BBS9: variants seen among roughly 807,000 people sequenced by gnomAD.
BBS9 encodes the protein Bardet-Biedl syndrome 9, also known as protein PTHB1.
BBS9 carries 89 observed loss-of-function variants against 117.7 expected under a neutral mutation model. The observed-to-expected ratio is 0.76, with a 90% CI of 0.64 to 0.90. The LOEUF is 0.90. BBS9 is among the 40% of genes least tolerant of loss of function. The pLI, the probability that BBS9 is intolerant of heterozygous loss-of-function variation, is 0.00. For synonymous variants in BBS9, 379 were observed against 370.9 expected (o/e 1.02, Z -0.25); for missense variants, 982 against 1,042.2 (o/e 0.94, Z 0.80).
chr7:33,350,846 C>T (rs1263276976), intron 13 of BBS9, among the ~76,000 whole-genome samples: 1 of 152,152 alleles, frequency 6.6e-6, no homozygotes, highest in African/African-American at 2.4e-5. Flanking sequence ...CAGGTGTCAC[C>T]ACGCCCAGCT....
rs60822654 is a variant in BBS9 at position 33,542,091 on chromosome 7, C to CT, written c.2521+7926dup. Among the ~76,000 whole-genome samples, 354 of 148,230 alleles carry CT rather than the reference C, an allele frequency of 2.4e-3. 2 individuals carry two copies. The highest frequency in any genetic ancestry group is 1.7e-3 in the African/African-American group (69 of 40,510). On this transcript the variant is annotated intron_variant, in intron 21 of 22. Coordinates refer to ENST00000242067, the MANE Select transcript of BBS9 (RefSeq NM_198428.3). ...TGGTATTTGGTAACATGAGTAAGTT[C>CT]TTTTTTTTTTTAAGACAGAGTCTCA...
At chr7:33,266,126 T>C (rs1282677290) in intron 7 of BBS9, among the ~76,000 whole-genome samples, 5 of 152,234 alleles carry the variant, frequency 3.3e-5, no homozygotes, top group Non-Finnish European at 5.9e-5. Flanking sequence ...CCTTATCATT[T>C]GCAGTTTTTA....
intron 19 of BBS9, among the ~76,000 whole-genome samples, chr7:33,458,938 C>T (rs555785193): frequency 9.3e-4 from 141 of 152,196 alleles, no homozygotes; most frequent in African/African-American, 3.2e-3. Context: ...AATTAAATTA[C>T]TTCTCAACCA....
chr7:33,302,958 T>A (rs983757440), intron 9 of BBS9, among the ~76,000 whole-genome samples: 1 of 152,210 alleles, frequency 6.6e-6, no homozygotes, highest in Non-Finnish European at 1.5e-5. Context: ...CATCAATGTT[T>A]TATAGTTTTC....
At chr7:33,212,164 A>C (rs1788149557) in intron 5 of BBS9, among the ~76,000 whole-genome samples, 1 of 152,106 alleles carries the variant, frequency 6.6e-6, no homozygotes, top group Admixed American at 6.5e-5. Context: ...TAACGTTTCT[A>C]CCACCCCTCT....
At chr7:33,139,316 A>G (rs1299172467) in intron 1 of BBS9, among the ~76,000 whole-genome samples, 1 of 151,332 alleles carries the variant, frequency 6.6e-6, no homozygotes, top group African/African-American at 2.4e-5. Context: ...AATGTCTTCT[A>G]TAGGCATTCC....
intron 5 of BBS9, among the ~76,000 whole-genome samples, chr7:33,231,160 T>C (rs73097258): frequency 0.1 from 15,562 of 151,412 alleles, 1,134 homozygotes; most frequent in Non-Finnish European, 0.16. Context: ...CTTGTGGGAA[T>C]TCTGTTTTTC....
chr7:33,241,797 GTCA>G (rs1037186402), intron 5 of BBS9, among the ~76,000 whole-genome samples: 12 of 151,596 alleles, frequency 7.9e-5, no homozygotes, highest in Non-Finnish European at 1.2e-4. Flanking sequence ...ATTTCGCTTG[GTCA>G]TTGATAAGGT....
intron 5 of BBS9, among the ~76,000 whole-genome samples, chr7:33,237,319 C>G (rs1793697637): frequency 6.6e-6 from 1 of 152,196 alleles, no homozygotes; most frequent in Non-Finnish European, 1.5e-5. Context: ...TCCAAACACA[C>G]AGACTTTTGT....
chr7:33,479,855 G>C (rs924870107), intron 19 of BBS9, among the ~76,000 whole-genome samples: 2 of 152,116 alleles, frequency 1.3e-5, no homozygotes, highest in Non-Finnish European at 2.9e-5. Context: ...TTTGTTGGCT[G>C]CAGGTATTTC....
intron 21 of BBS9, among the ~76,000 whole-genome samples, chr7:33,567,118 A>G (rs1563372360): frequency 2.0e-5 from 3 of 152,194 alleles, no homozygotes. Flanking sequence ...AGGAATCCGT[A>G]AATCAAGTCC....
At chr7:33,438,752 C>T (rs1404487835) in intron 19 of BBS9, among the ~76,000 whole-genome samples, 1 of 152,124 alleles carries the variant, frequency 6.6e-6, no homozygotes, top group Non-Finnish European at 1.5e-5. Flanking sequence ...AGAACTTGGG[C>T]TATATACATG....
chr7:33,256,328 T>C (rs181924831), intron 5 of BBS9, among the ~76,000 whole-genome samples: 116 of 152,326 alleles, frequency 7.6e-4, no homozygotes, highest in African/African-American at 2.7e-3. Context: ...TCCTGAATGG[T>C]TCAGATGTAT....
At chr7:33,398,618 G>A (rs1423537257) in intron 19 of BBS9, among the ~76,000 whole-genome samples, 2 of 152,150 alleles carry the variant, frequency 1.3e-5, no homozygotes, top group African/African-American at 4.8e-5. Flanking sequence ...TAGCCAAACT[G>A]TCTGACAGAA....
intron 20 of BBS9, among the ~76,000 whole-genome samples, chr7:33,523,245 G>A (rs1368811402): frequency 2.0e-5 from 3 of 148,166 alleles, no homozygotes; most frequent in Non-Finnish European, 4.5e-5. Flanking sequence ...TTTTTTGGTT[G>A]CATATGAACT....
chr7:33,534,506 G>C (rs112534475), intron 21 of BBS9: 2 of 400,916 alleles, frequency 5.0e-6, no homozygotes, highest in East Asian at 1.1e-4. Context: ...GTGATCTCGC[G>C]ATACAATATT....
intron 21 of BBS9, among the ~76,000 whole-genome samples, chr7:33,593,400 T>G (rs1862245638): frequency 6.6e-6 from 1 of 151,866 alleles, no homozygotes; most frequent in African/African-American, 2.4e-5. Context: ...TGAGTAGAGG[T>G]TTTTTTTGTT....
At chr7:33,614,297 G>A (rs774135739) in intron 21 of BBS9, among the ~76,000 whole-genome samples, 8 of 151,962 alleles carry the variant, frequency 5.3e-5, no homozygotes, top group Non-Finnish European at 7.4e-5. Flanking sequence ...ATACAATAAC[G>A]TGACACATGA....
At chr7:33,453,774 C>T (rs1838240579) in intron 19 of BBS9, among the ~76,000 whole-genome samples, 2 of 152,176 alleles carry the variant, frequency 1.3e-5, no homozygotes, top group Admixed American at 6.5e-5. Flanking sequence ...CCTGCCTCGG[C>T]CTCCCAAAGT....
Sources: allele counts gnomAD v4.1 joint callset (sites outside exome capture counted in the v4.1 genomes callset), GRCh38; gene constraint gnomAD v4.1.1; transcripts MANE v1.5; gene names NCBI Gene and HGNC (gene_info 2026-07-23, HGNC 2026-07-21).